Variants in BIRC6 observed in about 807,000 individuals in gnomAD.
The protein encoded by BIRC6 is dual E2 ubiquitin-conjugating enzyme/E3 ubiquitin-protein ligase BIRC6.
A neutral mutation model predicts 503.3 loss-of-function variants in BIRC6; 98 were observed. The observed-to-expected ratio is 0.19, with a 90% CI of 0.17 to 0.23. The LOEUF is 0.23. Among genes scored for constraint, BIRC6 ranks in the 10% least tolerant of loss-of-function variants. The pLI is 1.00. For missense variants in BIRC6, 5,360 were observed against 5,806.0 expected (o/e 0.92, Z 2.50); for synonymous variants, 2,240 against 2,078.7 (o/e 1.08, Z -2.11).
chr2:32,594,322 A>C (rs1234297999), intron 67 of BIRC6: 4 of 297,182 alleles, frequency 1.3e-5, no homozygotes. Flanking sequence ...TCCCCCTGAA[A>C]TTCATGAAAT....
chr2:32,514,785 T>C (rs956376315), intron 54 of BIRC6, among the ~76,000 whole-genome samples: 14 of 152,194 alleles, frequency 9.2e-5, no homozygotes, highest in South Asian at 2.1e-4. Flanking sequence ...TCAACTTGCA[T>C]TGTACCTACA....
At chr2:32,397,616 GTA>G (rs544288777) in intron 6 of BIRC6, among the ~76,000 whole-genome samples, 32 of 137,542 alleles carry the variant, frequency 2.3e-4, no homozygotes, top group African/African-American at 3.5e-4. Flanking sequence ...ATATATGTGT[GTA>G]TATATATATA....
At chr2:32,392,171 A>T in intron 5 of BIRC6, 21 bp downstream of exon 5, 1 of 1,496,724 alleles carries the variant, frequency 6.7e-7, no homozygotes. Context: ...AATATAAAAA[A>T]ATACTTTTCT....
intron 49 of BIRC6, among the ~76,000 whole-genome samples, chr2:32,504,038 G>GTT (rs2053519127): frequency 8.0e-6 from 1 of 125,638 alleles, no homozygotes; most frequent in Admixed American, 7.7e-5. Flanking sequence ...GGGTGTTTGT[G>GTT]TGTGTGTGTG....
chr2:32,565,546 T>G (rs749790879), intron 65 of BIRC6: 1 of 152,202 alleles, frequency 6.6e-6, no homozygotes, highest in African/African-American at 2.4e-5. Flanking sequence ...ATCTAACTAA[T>G]AGTACTAATA....
At chr2:32,595,412 T>C (rs1351744965) in intron 68 of BIRC6, among the ~76,000 whole-genome samples, 1 of 152,240 alleles carries the variant, frequency 6.6e-6, no homozygotes, top group Non-Finnish European at 1.5e-5. Flanking sequence ...GAAAATGTTT[T>C]TCCTTATTTA....
chr2:32,567,992 C>A (rs1331539752), intron 65 of BIRC6, among the ~76,000 whole-genome samples: 1 of 151,796 alleles, frequency 6.6e-6, no homozygotes, highest in East Asian at 1.9e-4. Flanking sequence ...GGCACCTGTA[C>A]TCCCAGCTAC....
intron 1 of BIRC6, among the ~76,000 whole-genome samples, chr2:32,360,414 C>A (rs1000608877): frequency 6.6e-6 from 1 of 152,140 alleles, no homozygotes; most frequent in African/African-American, 2.4e-5. Context: ...AGTATTTGCT[C>A]CCTGTCAGTA....
At chr2:32,474,163 T>G (rs930717014) in intron 33 of BIRC6, among the ~76,000 whole-genome samples, 2 of 152,134 alleles carry the variant, frequency 1.3e-5, no homozygotes, top group Non-Finnish European at 2.9e-5. Context: ...TTGTTTTGTT[T>G]TTTATATTTA....
chr2:32,606,413 C>T (rs374276337), intron 71 of BIRC6, among the ~76,000 whole-genome samples: 3 of 151,666 alleles, frequency 2.0e-5, no homozygotes, highest in East Asian at 3.9e-4. Context: ...CATGGCAAAA[C>T]CCCGTCTCTA....
chr2:32,445,926 C>T (rs1423140493), intron 21 of BIRC6, among the ~76,000 whole-genome samples: 2 of 151,578 alleles, frequency 1.3e-5, no homozygotes, highest in Non-Finnish European at 2.9e-5. Flanking sequence ...GGTGTGATCT[C>T]AGCTCACCAC....
intron 1 of BIRC6, among the ~76,000 whole-genome samples, chr2:32,360,188 G>T (rs1034459084): frequency 6.6e-6 from 1 of 152,132 alleles, no homozygotes; most frequent in Non-Finnish European, 1.5e-5. Context: ...TCTTATGGAC[G>T]CCTGGGGTTC....
chr2:32,367,288 C>T (rs1226793693), intron 1 of BIRC6, among the ~76,000 whole-genome samples: 2 of 151,924 alleles, frequency 1.3e-5, no homozygotes, highest in African/African-American at 4.8e-5. Context: ...CATGGTAAAA[C>T]CCTGTCTCTA....
chr2:32,418,385 G>A (rs866651189), intron 10 of BIRC6, among the ~76,000 whole-genome samples: 1 of 152,154 alleles, frequency 6.6e-6, no homozygotes, highest in Non-Finnish European at 1.5e-5. Flanking sequence ...GATACTGAAG[G>A]AAAGAAAGGT....
Position 32,467,678 on chromosome 2 carries a change from T to G in BIRC6, c.5510T>G (p.Ile1837Arg). Reference sequence around the variant, plus strand: ...AGGCGGTTGGTAGTGGCAACTGATATAAGCACTCATTCACTAATTCTTCAT... The same window carrying G: ...AGGCGGTTGGTAGTGGCAACTGATAGAAGCACTCATTCACTAATTCTTCAT... ...DGRRLVVATDISTHSLILHDL... is the reference protein window; with the variant it reads ...DGRRLVVATDRSTHSLILHDL... The change falls in exon 27 of 74, where the codon ATA becomes AGA. Residue 1837 changes from isoleucine (I) to arginine (R), a missense_variant. Transcript: ENST00000421745. 6.2e-7 allele frequency: 1 copy of G among 1,613,900 alleles called. No individual in the cohort carries two copies. The highest frequency in any genetic ancestry group is 8.5e-7 in the Non-Finnish European group (1 of 1,179,864).
chr2:32,441,910 A>G (rs1184038981), intron 17 of BIRC6, among the ~76,000 whole-genome samples, 155 bp from the exon 18 acceptor site: 1 of 152,252 alleles, frequency 6.6e-6, no homozygotes, highest in African/African-American at 2.4e-5. Context: ...AAAATTTTCT[A>G]CAAATGAAAT....
intron 65 of BIRC6, chr2:32,574,516 A>G (rs1188721970): frequency 6.5e-6 from 1 of 153,146 alleles, no homozygotes; most frequent in East Asian, 1.9e-4. Context: ...TGGATGTTGT[A>G]TGTATTATAT....
chr2:32,430,733 A>C, intron 11 of BIRC6, 132 bp from the exon 12 acceptor site: 1 of 659,054 alleles, frequency 1.5e-6, no homozygotes, highest in Non-Finnish European at 2.6e-6. Context: ...CCACTTTATT[A>C]ACTTTCAGAA....
At chr2:32,365,956 C>T (rs1188276345) in intron 1 of BIRC6, among the ~76,000 whole-genome samples, 1 of 151,864 alleles carries the variant, frequency 6.6e-6, no homozygotes, top group East Asian at 1.9e-4. Flanking sequence ...GTGGTCTTGG[C>T]TCACTGTAAA....
Sources: gnomAD v4.1 joint callset for allele counts (sites outside exome capture counted in the v4.1 genomes callset) on GRCh38, gnomAD v4.1.1 for gene constraint, MANE v1.5 for transcripts, NCBI Gene and HGNC (gene_info 2026-07-23, HGNC 2026-07-21) for gene names.